KLHL8: variants seen among roughly 807,000 people sequenced by gnomAD.
The protein encoded by KLHL8 is kelch like family member 8.
Under a neutral mutation model 63.5 loss-of-function variants are expected in KLHL8, and 38 were observed. The ratio of observed to expected loss-of-function variants is 0.60; its 90% confidence interval spans 0.46 to 0.78. The LOEUF is 0.78. Among genes scored for constraint, KLHL8 ranks in the 30% least tolerant of loss-of-function variants. The probability of loss-of-function intolerance (pLI) is 0.00; values close to 1 mark genes in which losing one functional copy is unlikely to be tolerated. For synonymous variants in KLHL8, 224 were observed against 254.3 expected, an observed-to-expected ratio of 0.88 and a Z score of 1.13; for missense variants, 566 against 752.4, an observed-to-expected ratio of 0.75 and a Z score of 2.90.
At chr4:87,210,350 G>A (rs959877572) in intron 1 of KLHL8, among the ~76,000 whole-genome samples, 2 of 152,090 alleles carry the variant, frequency 1.3e-5, no homozygotes, top group East Asian at 3.9e-4. Flanking sequence ...GCATGGTGGC[G>A]GGCGCCTGTA....
intron 1 of KLHL8, among the ~76,000 whole-genome samples, chr4:87,216,597 A>G (rs992701842): frequency 2.6e-5 from 4 of 152,212 alleles, no homozygotes; most frequent in African/African-American, 9.6e-5. Flanking sequence ...ACGCTAACAG[A>G]TTCAGGTTAA....
At chr4:87,237,727 T>C (rs1461532128) in intron 1 of KLHL8, among the ~76,000 whole-genome samples, 1 of 152,114 alleles carries the variant, frequency 6.6e-6, no homozygotes, top group African/African-American at 2.4e-5. Flanking sequence ...CTCAGGAGGC[T>C]GAGGTGGGAG....
chr4:87,193,737 T>TAA, intron 2 of KLHL8, among the ~76,000 whole-genome samples: 1 of 152,284 alleles, frequency 6.6e-6, no homozygotes, highest in South Asian at 2.1e-4. Context: ...AGCATGTGAG[T>TAA]AAAGCACTGT....
chr4:87,226,300 C>T (rs761000162), intron 1 of KLHL8, among the ~76,000 whole-genome samples: 5 of 151,962 alleles, frequency 3.3e-5, no homozygotes, highest in South Asian at 2.1e-4. Context: ...CGATGGCTCA[C>T]GCCTGTAATC....
rs1317511128 is a variant in KLHL8 at position 87,160,490 on chromosome 4, C to G, written c.*3029G>C. The stretch of plus-strand genomic sequence containing the variant: ...TTTACAAGAATAGTTTATGCAATTT[C>G]AAGAAGTCCTTACCAAGGCATTCAA... On this transcript the variant is annotated 3_prime_UTR_variant, in exon 10 of 10. Transcript: ENST00000273963. 1 of 152,146 alleles carries G rather than the reference C, an allele frequency of 6.6e-6. No individual in the cohort carries two copies. Among genetic ancestry groups the G allele is most frequent in the Non-Finnish European group, 1.5e-5 (1 of 68,024 alleles). The allele number at this position is 152,146 out of a possible 1,614,324, so 9.4% of individuals were successfully genotyped here. A position where few individuals can be genotyped will look rare whatever the true frequency, so the allele number is the denominator to read the frequency against.
upstream of KLHL8, chr4:87,220,619 G>C (rs999898351): frequency 6.6e-6 from 1 of 152,038 alleles, no homozygotes; most frequent in African/African-American, 2.4e-5. Flanking sequence ...CGCGGCCTCT[G>C]GGGGCGGGGC....
At chr4:87,174,086 A>T (rs926153550) in intron 6 of KLHL8, among the ~76,000 whole-genome samples, 3 of 152,160 alleles carry the variant, frequency 2.0e-5, no homozygotes, top group African/African-American at 7.2e-5. Flanking sequence ...GCTCATTTTG[A>T]TAACAAGTCA....
intron 1 of KLHL8, chr4:87,219,375 T>A (rs913862725): frequency 1.3e-5 from 2 of 152,156 alleles, no homozygotes; most frequent in East Asian, 1.9e-4. Context: ...TACCATCTTG[T>A]ATAGGAGAAA....
At chr4:87,227,805 C>A (rs1463705250) in intron 1 of KLHL8, among the ~76,000 whole-genome samples, 1 of 152,192 alleles carries the variant, frequency 6.6e-6, no homozygotes, top group East Asian at 1.9e-4. Flanking sequence ...CTTGCTTAAG[C>A]CACTGTGTCA....
At chr4:87,169,083 T>C (rs888097887) in intron 8 of KLHL8, among the ~76,000 whole-genome samples, 1 of 151,990 alleles carries the variant, frequency 6.6e-6, no homozygotes, top group African/African-American at 2.4e-5. Context: ...GGCAGGAAGA[T>C]CACTTGAGGT....
At chr4:87,229,438 TG>T (rs34242868) in intron 1 of KLHL8, among the ~76,000 whole-genome samples, 89,336 of 132,604 alleles carry the variant, frequency 0.67, 29,893 homozygotes, top group East Asian at 0.84. Context: ...TTTTTTTTGG[TG>T]GGGGGGGGTG....
chr4:87,211,453 A>G (rs1471639644), intron 1 of KLHL8, among the ~76,000 whole-genome samples: 2 of 152,234 alleles, frequency 1.3e-5, no homozygotes, highest in Non-Finnish European at 2.9e-5. Context: ...GTTCCTACTC[A>G]AAGTATACAT....
At chr4:87,171,383 AG>A (rs1258246248) in intron 6 of KLHL8, among the ~76,000 whole-genome samples, 4 of 152,198 alleles carry the variant, frequency 2.6e-5, no homozygotes, top group Admixed American at 2.6e-4. Flanking sequence ...ATGAAGTATT[AG>A]CTTTTATTAT....
chr4:87,191,495 T>C (rs1015538371), intron 2 of KLHL8, among the ~76,000 whole-genome samples: 2 of 152,166 alleles, frequency 1.3e-5, no homozygotes, highest in African/African-American at 4.8e-5. Flanking sequence ...TCCTTTCCCC[T>C]TATAAAGTAA....
upstream of KLHL8, chr4:87,221,514 AC>A (rs1330468889): frequency 6.6e-6 from 1 of 152,096 alleles, no homozygotes; most frequent in Non-Finnish European, 1.5e-5. Context: ...CAGCAAAAAA[AC>A]AAAATTTTTT....
At position 87,183,195 on chromosome 4, in the gene KLHL8, T is replaced by A; in HGVS notation, c.952+8A>T. The A allele has an allele frequency of 6.4e-7, 1 of 1,567,306 alleles. No homozygotes were observed. The highest frequency in any genetic ancestry group is 8.7e-7 in the Non-Finnish European group (1 of 1,150,998). On this transcript the variant is annotated splice_region_variant and intron_variant, in intron 4 of 9. Coordinates refer to ENST00000273963, the MANE Select transcript of KLHL8 (RefSeq NM_020803.5). Reference sequence around the variant, plus strand: ...CTTCCAGGAGAATTGACAAAATAATTTGGTTACCAGCAGTATGCTTCCTTG... The same window carrying A: ...CTTCCAGGAGAATTGACAAAATAATATGGTTACCAGCAGTATGCTTCCTTG...
At chr4:87,227,545 G>C (rs1348260013) in intron 1 of KLHL8, among the ~76,000 whole-genome samples, 4 of 152,192 alleles carry the variant, frequency 2.6e-5, no homozygotes, top group Non-Finnish European at 4.4e-5. Flanking sequence ...AGCTATCTGG[G>C]AGGCTGAGGT....
At chr4:87,221,191 T>C (rs1019276910), upstream of KLHL8, 2 of 151,258 alleles carry the variant, frequency 1.3e-5, no homozygotes, top group Non-Finnish European at 2.9e-5. Flanking sequence ...AGGTCAGGAG[T>C]CGAGACCATC....
chr4:87,177,107 G>A (rs932108767), intron 5 of KLHL8, among the ~76,000 whole-genome samples: 26 of 151,676 alleles, frequency 1.7e-4, no homozygotes, highest in African/African-American at 2.4e-4. Context: ...TAATATTATC[G>A]CCCCCCCTTA....
Sources: allele counts gnomAD v4.1 joint callset (sites outside exome capture counted in the v4.1 genomes callset), GRCh38; gene constraint gnomAD v4.1.1; transcripts MANE v1.5; gene names NCBI Gene and HGNC (gene_info 2026-07-23, HGNC 2026-07-21).